PRDM14: variants seen among roughly 807,000 people sequenced by gnomAD.
PRDM14 encodes the protein PR/SET domain 14.
A neutral mutation model predicts 48.0 loss-of-function variants in PRDM14; 16 were observed. That is an observed-to-expected ratio of 0.33 (90% confidence interval 0.23 to 0.51). PRDM14 has a LOEUF of 0.51. PRDM14 is among the 20% of genes least tolerant of loss of function. The probability of loss-of-function intolerance (pLI) is 0.97; values close to 1 mark genes in which losing one functional copy is unlikely to be tolerated. For missense variants in PRDM14, 566 were observed against 719.6 expected (o/e 0.79, Z 2.44); for synonymous variants, 264 against 276.6 (o/e 0.95, Z 0.45).
intron 4 of PRDM14, 53 bp downstream of exon 4, chr8:70,068,177 G>A (rs1805702924): frequency 7.5e-6 from 12 of 1,602,594 alleles, no homozygotes; most frequent in Middle Eastern, 1.7e-4. Flanking sequence ...AGATTTCCCC[G>A]GACTAGTCTC....
In PRDM14 at chr8:70,060,029, G is replaced by A. The variant is rs142940240; in HGVS notation, c.1184-1187C>T. The stretch of plus-strand genomic sequence containing the variant: ...AATCACTTGAACCTGGGAGGCGCAG[G>A]TTGCAGTGAGCCAAGATTGCACCAC... On this transcript the variant is annotated intron_variant, in intron 5 of 7. Transcript: ENST00000276594. Among the ~76,000 whole-genome samples, 226 of 147,588 alleles carry A rather than the reference G, an allele frequency of 1.5e-3. 1 individual carries two copies. The highest frequency in any genetic ancestry group is 5.1e-3 in the African/African-American group (201 of 39,684).
At chr8:70,065,120 T>G (rs922794986) in intron 5 of PRDM14, among the ~76,000 whole-genome samples, 1 of 151,976 alleles carries the variant, frequency 6.6e-6, no homozygotes, top group East Asian at 1.9e-4. Flanking sequence ...TCTCCTGACC[T>G]GGTGATCTGC....
chr8:70,065,931 C>T (rs1805659921), intron 5 of PRDM14, among the ~76,000 whole-genome samples: 1 of 152,176 alleles, frequency 6.6e-6, no homozygotes, highest in African/African-American at 2.4e-5. Flanking sequence ...ACTGGCTCAC[C>T]TATGGTAGAA....
At chr8:70,066,796 G>A (rs1805676456) in intron 4 of PRDM14, among the ~76,000 whole-genome samples, 1 of 152,046 alleles carries the variant, frequency 6.6e-6, no homozygotes, top group South Asian at 2.1e-4. Context: ...CTCAATCACA[G>A]GTCACAGTAG....
In PRDM14 at chr8:70,069,240, G is replaced by A. The variant is rs767141627; in HGVS notation, c.621C>T (p.Tyr207=). The A allele has an allele frequency of 6.2e-7, 1 of 1,600,130 alleles. No homozygotes were observed. Among genetic ancestry groups the A allele is most frequent in the Non-Finnish European group, 8.5e-7 (1 of 1,173,118 alleles). The change falls in exon 2 of 8, where the codon TAC becomes TAT. Residue 207 remains tyrosine, a synonymous_variant. Transcript: ENST00000276594. Reference sequence around the variant, plus strand: ...GGTGCTCCAGGCTGGGAGTGACCCCGTACAGAACGAAGTGCAGGTCCTCCT... The same window carrying A: ...GGTGCTCCAGGCTGGGAGTGACCCCATACAGAACGAAGTGCAGGTCCTCCT... ...FTEEDLHFVL[Y]GVTPSLEHPA...
chr8:70,070,390 C>CGG (rs1394852368), intron 1 of PRDM14, among the ~76,000 whole-genome samples: 8 of 152,272 alleles, frequency 5.3e-5, no homozygotes, highest in African/African-American at 1.9e-4. Flanking sequence ...TCCAGGCGCT[C>CGG]CTGGGCCCTC....
intron 7 of PRDM14, 130 bp downstream of exon 7, chr8:70,055,170 A>C: frequency 1.9e-6 from 1 of 523,556 alleles, no homozygotes; most frequent in Non-Finnish European, 3.4e-6. Flanking sequence ...TAGGGGTGGA[A>C]ATGAGGACTG....
At chr8:70,058,475 T>C (rs1021785353) in intron 6 of PRDM14, among the ~76,000 whole-genome samples, 165 bp downstream of exon 6, 1 of 152,216 alleles carries the variant, frequency 6.6e-6, no homozygotes, top group African/African-American at 2.4e-5. Flanking sequence ...GCTGTGCCTA[T>C]TCACGCCTGC....
At position 70,069,170 on chromosome 8, in the gene PRDM14, C is replaced by G. The variant is rs1480957253; in HGVS notation, c.691G>C (p.Asp231His). Residue 231 changes from aspartate to histidine, a missense_variant, in exon 2 of 8, where the codon GAC becomes CAC. Coordinates refer to ENST00000276594, the MANE Select transcript of PRDM14 (RefSeq NM_024504.4). ...TGTGAACTCCCTTTACCAGAGCTGTCTGGGGGGACCAGGAGGCCTGAAATC... is the reference window on the plus strand; with the variant it reads ...TGTGAACTCCCTTTACCAGAGCTGTGTGGGGGGACCAGGAGGCCTGAAATC... ...HAISGLLVPPDSSGSDSLPQT... is the reference protein window; with the variant it reads ...HAISGLLVPPHSSGSDSLPQT... The G allele has an allele frequency of 5.9e-6, 9 of 1,512,864 alleles. No individual in the cohort carries two copies. Among genetic ancestry groups the G allele is most frequent in the Non-Finnish European group, 8.0e-6 (9 of 1,131,204 alleles). The allele number at this position is 1,512,864 out of a possible 1,614,324, so 93.7% of individuals were successfully genotyped here.
chr8:70,066,250 A>C lies in PRDM14; in HGVS notation c.1168T>G (p.Ser390Ala), dbSNP rs112783392. Residue 390 changes from serine (S) to alanine (A), a missense_variant, in exon 5 of 8, where the codon TCT becomes GCT. By Grantham distance (99) the Ser-to-Ala change is moderately conservative (BLOSUM62 1). This residue lies in a region of PRDM14 where 126 missense variants were observed against 271.6 expected (regional missense o/e 0.46). Coordinates refer to ENST00000276594, the MANE Select transcript of PRDM14 (RefSeq NM_024504.4). ...LQVTEPGKQPSGPSEESAEGY... is the reference protein window; with the variant it reads ...LQVTEPGKQPAGPSEESAEGY... ...GTGCACTCACCTTCAGAGGGCCCAG[A>C]TGGCTGCTTCCCCGGCTCTGTGACC... 4.3e-6 allele frequency: 7 copies of C among 1,613,528 alleles called. No individual in the cohort carries two copies. The highest frequency in any genetic ancestry group is 1.3e-5 in the African/African-American group (1 of 74,922).
At chr8:70,057,242 C>G (rs569327706) in intron 6 of PRDM14, among the ~76,000 whole-genome samples, 1 of 151,974 alleles carries the variant, frequency 6.6e-6, no homozygotes, top group African/African-American at 2.4e-5. Flanking sequence ...TGGGATTAGG[C>G]GTGAGCCACC....
chr8:70,056,529 T>C (rs972685667), intron 6 of PRDM14, among the ~76,000 whole-genome samples: 2 of 152,162 alleles, frequency 1.3e-5, no homozygotes, highest in Non-Finnish European at 2.9e-5. Flanking sequence ...TTGCCCAGGC[T>C]GGAGTGCAGT....
Position 70,066,288 on chromosome 8 carries a change from G to C in PRDM14, c.1130C>G (p.Pro377Arg). 6.2e-7 allele frequency: 1 copy of C among 1,614,170 alleles called. No homozygotes were observed. The highest frequency in any genetic ancestry group is 2.2e-5 in the East Asian group (1 of 44,876). Residue 377 changes from proline (P) to arginine (R), a missense_variant, in exon 5 of 8, where the codon CCT (proline) becomes CGT (arginine). Pro to Arg is a moderately radical substitution (Grantham distance 103). Around this residue, in one of 3 missense-constraint regions of PRDM14, gnomAD observed 126 missense variants for 271.6 expected, o/e 0.46. Coordinates refer to ENST00000276594, the MANE Select transcript of PRDM14 (RefSeq NM_024504.4). ...CGGCTCTGTGACCTGAAGGCTCACA[G>C]GAATATCCAGAAATTTCTCATAGCA... The part of the protein sequence containing the change: ...GDCYEKFLDI[P>R]VSLQVTEPGK...
At chr8:70,054,792 T>C (rs769366166) in intron 7 of PRDM14, among the ~76,000 whole-genome samples, 7 of 151,698 alleles carry the variant, frequency 4.6e-5, no homozygotes, top group Non-Finnish European at 1.0e-4. Context: ...GTGCTGGGAT[T>C]ACGGGCTTGA....
intron 1 of PRDM14, 34 bp from the exon 2 acceptor site, chr8:70,069,918 G>T (rs1325710166): frequency 1.3e-5 from 17 of 1,359,700 alleles, no homozygotes; most frequent in Non-Finnish European, 1.6e-5. Flanking sequence ...AGGACACCGC[G>T]CGGGAGCTTC....
At chr8:70,054,170 ATC>A (rs548025600) in intron 7 of PRDM14, among the ~76,000 whole-genome samples, 1 of 152,188 alleles carries the variant, frequency 6.6e-6, no homozygotes, top group South Asian at 2.1e-4. Flanking sequence ...CACATGATTC[ATC>A]TCTGTTTTTA....
At chr8:70,066,801 C>T (rs1220679910) in intron 4 of PRDM14, among the ~76,000 whole-genome samples, 2 of 152,136 alleles carry the variant, frequency 1.3e-5, no homozygotes, top group African/African-American at 2.4e-5. Context: ...TCACAGGTCA[C>T]AGTAGCCTCG....
At chr8:70,056,212 A>G (rs1805469511) in intron 6 of PRDM14, among the ~76,000 whole-genome samples, 1 of 152,212 alleles carries the variant, frequency 6.6e-6, no homozygotes, top group South Asian at 2.1e-4. Context: ...TGAATAATTA[A>G]TATTGTTTCT....
At chr8:70,070,511 G>C (rs1262266809) in intron 1 of PRDM14, among the ~76,000 whole-genome samples, 1 of 152,164 alleles carries the variant, frequency 6.6e-6, no homozygotes, top group East Asian at 1.9e-4. Flanking sequence ...GCCCAGCGGT[G>C]TGACCCCGCG....
Sources: gnomAD v4.1 joint callset for allele counts (sites outside exome capture counted in the v4.1 genomes callset) on GRCh38, gnomAD v4.1.1 for gene constraint, gnomAD v4.1.1 regional missense constraint, MANE v1.5 for transcripts, NCBI Gene and HGNC (gene_info 2026-07-23, HGNC 2026-07-21) for gene names.